The following TGFBR3 variants were observed in gnomAD, a reference collection of about 807,000 sequenced individuals.
TGFBR3 encodes transforming growth factor beta receptor 3, also known as transforming growth factor beta receptor type 3.
Under a neutral mutation model 87.9 loss-of-function variants are expected in TGFBR3, and 46 were observed. The ratio of observed to expected loss-of-function variants is 0.52; its 90% CI spans 0.41 to 0.67. The LOEUF (loss-of-function observed/expected upper bound fraction) is 0.67, where lower values mean the gene tolerates loss of function less well. TGFBR3 is among the 30% of genes least tolerant of loss of function. The pLI, the probability that TGFBR3 is intolerant of heterozygous loss-of-function variation, is 0.00. For missense variants in TGFBR3, 866 were observed against 1,041.9 expected (o/e 0.83, Z 2.32); for synonymous variants, 381 against 391.6 (o/e 0.97, Z 0.32).
At chr1:91,789,597 T>A (rs950761773) in intron 3 of TGFBR3, among the ~76,000 whole-genome samples, 2 of 152,210 alleles carry the variant, frequency 1.3e-5, no homozygotes, top group African/African-American at 2.4e-5. Flanking sequence ...TCCTGGTTTG[T>A]TTCCTAAACC....
chr1:91,750,504 T>C (rs2100869560), intron 4 of TGFBR3, among the ~76,000 whole-genome samples: 1 of 151,914 alleles, frequency 6.6e-6, no homozygotes, highest in African/African-American at 2.4e-5. Flanking sequence ...CCCATATAAT[T>C]AAGGCCCTTA....
chr1:91,734,684 T>C (rs1407717051), intron 5 of TGFBR3, 92 bp downstream of exon 5: 2 of 1,494,328 alleles, frequency 1.3e-6, no homozygotes, highest in African/African-American at 2.8e-5. Context: ...ATTCTGTAAT[T>C]CTGTGATTCC....
chr1:91,712,945 G>A (rs1231381318), intron 12 of TGFBR3, among the ~76,000 whole-genome samples: 1 of 152,200 alleles, frequency 6.6e-6, no homozygotes, highest in Admixed American at 6.5e-5. Context: ...TATAAGCTAA[G>A]CTCTTTTTAA....
chr1:91,766,002 T>C (rs1332988639), intron 3 of TGFBR3, among the ~76,000 whole-genome samples: 1 of 152,082 alleles, frequency 6.6e-6, no homozygotes, highest in African/African-American at 2.4e-5. Flanking sequence ...CCCATATAAC[T>C]ATGTGCTATA....
At chr1:91,723,418 T>C (rs1413569591) in intron 7 of TGFBR3, among the ~76,000 whole-genome samples, 1 of 145,250 alleles carries the variant, frequency 6.9e-6, no homozygotes, top group African/African-American at 2.6e-5. Flanking sequence ...GAGTTAGAGG[T>C]TGCAGTAAGC....
intron 4 of TGFBR3, among the ~76,000 whole-genome samples, chr1:91,746,694 G>A (rs1673360332): frequency 6.6e-6 from 1 of 151,874 alleles, no homozygotes; most frequent in South Asian, 2.1e-4. Flanking sequence ...CAAATGCCTG[G>A]CTCCAAACAT....
At chr1:91,750,250 C>G (rs1673489614) in intron 4 of TGFBR3, among the ~76,000 whole-genome samples, 1 of 152,232 alleles carries the variant, frequency 6.6e-6, no homozygotes, top group Non-Finnish European at 1.5e-5. Flanking sequence ...CATTCACTCA[C>G]TCACAACATT....
chr1:91,748,047 A>G (rs1418954004), intron 4 of TGFBR3, among the ~76,000 whole-genome samples: 1 of 152,362 alleles, frequency 6.6e-6, no homozygotes, highest in East Asian at 1.9e-4. Context: ...ACAGAGCTGC[A>G]TATTCTGGCC....
At chr1:91,794,103 C>CCATA (rs774973310) in intron 3 of TGFBR3, among the ~76,000 whole-genome samples, 18 of 152,082 alleles carry the variant, frequency 1.2e-4, no homozygotes, top group African/African-American at 1.7e-4. Context: ...AATTCCCATA[C>CCATA]CATAAAATTC....
At chr1:91,772,824 A>G (rs919138800) in intron 3 of TGFBR3, among the ~76,000 whole-genome samples, 4 of 152,216 alleles carry the variant, frequency 2.6e-5, no homozygotes, top group African/African-American at 9.6e-5. Flanking sequence ...TAGCATCTTC[A>G]GTACACATTT....
intron 3 of TGFBR3, among the ~76,000 whole-genome samples, chr1:91,792,607 A>G (rs1040911316): frequency 7.9e-5 from 12 of 152,246 alleles, no homozygotes; most frequent in African/African-American, 2.9e-4. Context: ...GATGATAGGA[A>G]ACAAAATTGT....
intron 1 of TGFBR3, among the ~76,000 whole-genome samples, chr1:91,880,808 G>A (rs1679053940): frequency 6.6e-6 from 1 of 151,140 alleles, no homozygotes; most frequent in Middle Eastern, 3.2e-3. Context: ...GAGCCCAGGA[G>A]TTCGAGACCA....
intron 2 of TGFBR3, among the ~76,000 whole-genome samples, chr1:91,850,228 T>C (rs1280180004): frequency 6.6e-6 from 1 of 151,978 alleles, no homozygotes; most frequent in Non-Finnish European, 1.5e-5. Flanking sequence ...TTGACCAGAC[T>C]ACAAGTCTTC....
chr1:91,823,333 T>C (rs946999801), intron 2 of TGFBR3, among the ~76,000 whole-genome samples: 2 of 152,208 alleles, frequency 1.3e-5, no homozygotes, highest in Non-Finnish European at 2.9e-5. Context: ...GGCAAGTTCT[T>C]ATAAAGTTAC....
intron 1 of TGFBR3, among the ~76,000 whole-genome samples, chr1:91,869,356 T>C (rs1227566364): frequency 1.3e-5 from 2 of 152,198 alleles, no homozygotes; most frequent in Non-Finnish European, 2.9e-5. Context: ...TAAATACTAC[T>C]GTGCACACTA....
At chr1:91,715,228 T>C (rs1187025945) in intron 12 of TGFBR3, among the ~76,000 whole-genome samples, 1 of 152,182 alleles carries the variant, frequency 6.6e-6, no homozygotes, top group Non-Finnish European at 1.5e-5. Context: ...CCTGGTGCCA[T>C]AAGGACATTT....
In TGFBR3 at chr1:91,849,556, G is replaced by A. The variant is rs11466560; in HGVS notation, c.61+11915C>T. 2.6e-3 allele frequency among the ~76,000 whole-genome samples: 394 copies of A among 152,190 alleles called. 4 individuals carry two copies. Among genetic ancestry groups the A allele is most frequent in the African/African-American group, 8.9e-3 (370 of 41,508 alleles). ...CACCTTACTTCAAATTGCAATCCCC[G>A]CTAACAATCCCCAACCTCTTTGCTT... On this transcript the variant is annotated intron_variant, in intron 2 of 16. Transcript: ENST00000212355.
chr1:91,748,782 A>G (rs1673435455), intron 4 of TGFBR3, among the ~76,000 whole-genome samples: 1 of 151,990 alleles, frequency 6.6e-6, no homozygotes, highest in African/African-American at 2.4e-5. Context: ...CTTACTAAGC[A>G]CTGTCCCTGG....
intron 14 of TGFBR3, among the ~76,000 whole-genome samples, chr1:91,703,532 G>A (rs1056147884): frequency 1.3e-5 from 2 of 152,182 alleles, no homozygotes; most frequent in Non-Finnish European, 2.9e-5. Context: ...ATTTTGGAAT[G>A]ATATTTATTG....
Sources: allele counts gnomAD v4.1 joint callset (sites outside exome capture counted in the v4.1 genomes callset), GRCh38; gene constraint gnomAD v4.1.1; transcripts MANE v1.5; gene names NCBI Gene and HGNC (gene_info 2026-07-23, HGNC 2026-07-21).